Variants in NEGR1 observed in about 807,000 individuals in gnomAD.
NEGR1 encodes neuronal growth regulator 1.
Under a neutral mutation model 40.9 loss-of-function variants are expected in NEGR1, and 10 were observed. The ratio of observed to expected loss-of-function variants is 0.24; its 90% CI spans 0.15 to 0.42. The LOEUF is 0.42. Ranked by LOEUF, NEGR1 falls within the 10% of genes least tolerant of loss-of-function variation. The pLI is 1.00. For missense variants in NEGR1, 352 were observed against 438.9 expected (o/e 0.80, Z 1.77); for synonymous variants, 185 against 166.8 (o/e 1.11, Z -0.84).
At chr1:72,164,774 C>G (rs1226064078) in intron 1 of NEGR1, among the ~76,000 whole-genome samples, 1 of 151,672 alleles carries the variant, frequency 6.6e-6, no homozygotes, top group Non-Finnish European at 1.5e-5. Context: ...GGTGGAGGAA[C>G]CAAATAAAGT....
chr1:71,608,636 A>C (rs578163202), intron 5 of NEGR1, among the ~76,000 whole-genome samples: 1 of 152,208 alleles, frequency 6.6e-6, no homozygotes, highest in East Asian at 1.9e-4. Flanking sequence ...GTTAGCTTTT[A>C]AGAAATTAAT....
chr1:72,201,305 T>G (rs896261072), intron 1 of NEGR1, among the ~76,000 whole-genome samples: 3 of 150,766 alleles, frequency 2.0e-5, no homozygotes, highest in Admixed American at 2.0e-4. Context: ...AAAATAATTT[T>G]TTTATATTTT....
At position 72,264,693 on chromosome 1, in the gene NEGR1, TTA is replaced by T. The variant is rs896940409; in HGVS notation, c.176+17624_176+17625del. 3.9e-4 allele frequency among the ~76,000 whole-genome samples: 59 copies of T among 150,858 alleles called. No individual in the cohort carries two copies. The Middle Eastern group carries it at 0.014, about 36-fold the overall frequency. On this transcript the variant is annotated intron_variant, in intron 1 of 6. Coordinates refer to ENST00000357731, the MANE Select transcript of NEGR1 (RefSeq NM_173808.3). ...AGTTCTTAAAAACTTTTTAAATATT[TTA>T]TGATATTTAAATGAATTACTTTTAA...
At chr1:71,545,221 A>G (rs1424969439) in intron 6 of NEGR1, among the ~76,000 whole-genome samples, 1 of 151,650 alleles carries the variant, frequency 6.6e-6, no homozygotes, top group East Asian at 2.0e-4. Context: ...CAAGTCCCAT[A>G]TTTGAAATTC....
intron 1 of NEGR1, among the ~76,000 whole-genome samples, chr1:72,006,869 G>C (rs1172777605): frequency 6.6e-6 from 1 of 152,114 alleles, no homozygotes; most frequent in Non-Finnish European, 1.5e-5. Flanking sequence ...CTTTCTCACA[G>C]AGCACAGTGG....
At chr1:71,918,677 C>T (rs1661673496) in intron 2 of NEGR1, among the ~76,000 whole-genome samples, 1 of 130,778 alleles carries the variant, frequency 7.6e-6, no homozygotes, top group Admixed American at 8.7e-5. Flanking sequence ...GTATGGTATG[C>T]TGTGCCAAAA....
chr1:71,822,659 AG>A (rs1658474028), intron 2 of NEGR1, among the ~76,000 whole-genome samples: 1 of 151,988 alleles, frequency 6.6e-6, no homozygotes. Context: ...CATTCTGGAA[AG>A]GTCAGTGGTT....
chr1:71,824,598 T>C (rs954775773), intron 2 of NEGR1, among the ~76,000 whole-genome samples: 8 of 151,986 alleles, frequency 5.3e-5, no homozygotes, highest in African/African-American at 1.9e-4. Context: ...TTGACAACTG[T>C]AAACTATTGT....
rs187414262 is a variant in NEGR1, at chr1:72,083,532, T to C, written c.177-148221A>G. On this transcript the variant is annotated intron_variant, in intron 1 of 6. Coordinates refer to ENST00000357731, the MANE Select transcript of NEGR1 (RefSeq NM_173808.3). ...TACCACTATGCCCAGCTCTCTCTGT[T>C]TGTCTTTAAAAAATAAATGTAAAAA... 7.9e-4 allele frequency among the ~76,000 whole-genome samples: 120 copies of C among 152,230 alleles called. 1 individual carries two copies. The highest frequency in any genetic ancestry group is 2.7e-3 in the African/African-American group (114 of 41,538).
At chr1:71,651,933 A>G (rs1206389367) in intron 4 of NEGR1, among the ~76,000 whole-genome samples, 1 of 152,164 alleles carries the variant, frequency 6.6e-6, no homozygotes, top group African/African-American at 2.4e-5. Context: ...AATTCCCTGT[A>G]AATTTCTTGA....
intron 6 of NEGR1, among the ~76,000 whole-genome samples, chr1:71,424,308 A>G (rs1646415813): frequency 6.6e-6 from 1 of 152,186 alleles, no homozygotes; most frequent in African/African-American, 2.4e-5. Context: ...GACTTACAAA[A>G]TTATCTTTAT....
intron 6 of NEGR1, among the ~76,000 whole-genome samples, chr1:71,505,670 C>T (rs1389289344): frequency 6.6e-6 from 1 of 152,176 alleles, no homozygotes; most frequent in Non-Finnish European, 1.5e-5. Flanking sequence ...GTCCCTTCTA[C>T]TTTAGGACTA....
At chr1:71,640,017 A>C (rs117786606) in intron 4 of NEGR1, among the ~76,000 whole-genome samples, 4,022 of 152,104 alleles carry the variant, frequency 0.026, 117 homozygotes, top group Admixed American at 0.077. Flanking sequence ...TTTTAGCCTT[A>C]TATGTTGCCT....
At chr1:71,499,365 T>G (rs1435623703) in intron 6 of NEGR1, among the ~76,000 whole-genome samples, 1 of 151,270 alleles carries the variant, frequency 6.6e-6, no homozygotes, top group Admixed American at 6.6e-5. Context: ...AAGGCAAAGA[T>G]GTACCATGTG....
At chr1:72,051,015 A>C (rs1301600969) in intron 1 of NEGR1, among the ~76,000 whole-genome samples, 1 of 151,458 alleles carries the variant, frequency 6.6e-6, no homozygotes, top group African/African-American at 2.4e-5. Flanking sequence ...TCCCCCAATA[A>C]GCTAAACTTC....
intron 3 of NEGR1, among the ~76,000 whole-genome samples, chr1:71,753,054 G>A (rs1038202509): frequency 2.0e-5 from 3 of 152,012 alleles, no homozygotes; most frequent in South Asian, 2.1e-4. Context: ...TGTGAATTAC[G>A]ACTCAGATAC....
intron 2 of NEGR1, among the ~76,000 whole-genome samples, chr1:71,839,052 A>C (rs1167845075): frequency 6.6e-6 from 1 of 152,066 alleles, no homozygotes; most frequent in East Asian, 1.9e-4. Context: ...GGGAAAGTTG[A>C]AATGCTGTGT....
At chr1:71,937,222 C>G in intron 1 of NEGR1, among the ~76,000 whole-genome samples, 1 of 152,070 alleles carries the variant, frequency 6.6e-6, no homozygotes, top group Non-Finnish European at 1.5e-5. Context: ...AAAGCTTGTC[C>G]TTATGTATTT....
intron 6 of NEGR1, among the ~76,000 whole-genome samples, chr1:71,494,822 A>G (rs1646951352): frequency 1.3e-5 from 2 of 152,028 alleles, no homozygotes; most frequent in African/African-American, 4.8e-5. Context: ...ATATCTATAT[A>G]TTGACTGTTC....
Sources: allele counts gnomAD v4.1 joint callset (sites outside exome capture counted in the v4.1 genomes callset), GRCh38; gene constraint gnomAD v4.1.1; transcripts MANE v1.5; gene names NCBI Gene and HGNC (gene_info 2026-07-23, HGNC 2026-07-21).